RPS6KC1: variants seen among roughly 807,000 people sequenced by gnomAD.
RPS6KC1 encodes ribosomal protein S6 kinase C1.
Under a neutral mutation model 103.8 loss-of-function variants are expected in RPS6KC1, and 54 were observed. The observed-to-expected ratio is 0.52, with a 90% confidence interval of 0.42 to 0.65. The LOEUF (loss-of-function observed/expected upper bound fraction) is 0.65, where lower values mean the gene tolerates loss of function less well. RPS6KC1 is among the 30% of genes least tolerant of loss of function. RPS6KC1 has a pLI of 0.00. For synonymous variants in RPS6KC1, 439 were observed against 438.7 expected, an observed-to-expected ratio of 1.00 and a Z score of -0.01; for missense variants, 1,151 against 1,253.8, an observed-to-expected ratio of 0.92 and a Z score of 1.24.
chr1:213,111,668 C>A (rs1015485642), intron 4 of RPS6KC1, among the ~76,000 whole-genome samples: 11 of 152,020 alleles, frequency 7.2e-5, no homozygotes, highest in African/African-American at 2.7e-4. Flanking sequence ...TTTTATTTTG[C>A]ATGAAATATG....
the RPS6KC1 span, among the ~76,000 whole-genome samples, chr1:213,468,257 T>C: frequency 6.6e-6 from 1 of 152,256 alleles, no homozygotes; most frequent in Non-Finnish European, 1.5e-5. Context: ...TATTTGGCTT[T>C]GGAATATACG....
the RPS6KC1 span, among the ~76,000 whole-genome samples, chr1:213,610,334 C>A: frequency 6.6e-6 from 1 of 152,152 alleles, no homozygotes; most frequent in Admixed American, 6.6e-5. Context: ...AACTGATAAA[C>A]GACAGATGAG....
the RPS6KC1 span, among the ~76,000 whole-genome samples, chr1:213,618,439 C>G: frequency 2.0e-5 from 3 of 152,192 alleles, no homozygotes; most frequent in African/African-American, 7.2e-5. Context: ...GACTTCATTA[C>G]TTACTGACCC....
intron 6 of RPS6KC1, among the ~76,000 whole-genome samples, chr1:213,152,098 A>G (rs1439616845): frequency 6.1e-5 from 7 of 114,590 alleles, no homozygotes; most frequent in Admixed American, 1.7e-4. Context: ...CTGGCTGGGC[A>G]GAGGGGCTCC....
At chr1:213,598,187 T>C in the RPS6KC1 span, among the ~76,000 whole-genome samples, 1 of 152,186 alleles carries the variant, frequency 6.6e-6, no homozygotes, top group African/African-American at 2.4e-5. Context: ...TTGCCATGAC[T>C]CCTCTTTTGT....
the RPS6KC1 span, among the ~76,000 whole-genome samples, chr1:213,743,826 T>G: frequency 1.3e-5 from 2 of 152,180 alleles, no homozygotes; most frequent in East Asian, 1.9e-4. Context: ...GGAATCAGAA[T>G]TTTTGGATTC....
At chr1:213,405,302 T>G in the RPS6KC1 span, among the ~76,000 whole-genome samples, 1 of 152,354 alleles carries the variant, frequency 6.6e-6, no homozygotes, top group East Asian at 1.9e-4. Flanking sequence ...CTGGCTCGAA[T>G]CCGCTGAACC....
At chr1:213,442,996 G>T in the RPS6KC1 span, among the ~76,000 whole-genome samples, 2 of 151,840 alleles carry the variant, frequency 1.3e-5, no homozygotes, top group African/African-American at 4.8e-5. Flanking sequence ...AGAGCATTGG[G>T]GTGTCTCTTT....
At chr1:213,114,044 C>T (rs2083312471) in intron 4 of RPS6KC1, among the ~76,000 whole-genome samples, 1 of 151,890 alleles carries the variant, frequency 6.6e-6, no homozygotes, top group Admixed American at 6.6e-5. Context: ...GCGATGTGGG[C>T]TCTTTTTTGG....
At chr1:213,152,925 G>A (rs931437899) in intron 6 of RPS6KC1, among the ~76,000 whole-genome samples, 11 of 152,340 alleles carry the variant, frequency 7.2e-5, no homozygotes, top group South Asian at 2.1e-4. Flanking sequence ...CCGAGATCAC[G>A]CTACTGCACT....
At chr1:213,484,119 G>T in the RPS6KC1 span, among the ~76,000 whole-genome samples, 1 of 147,944 alleles carries the variant, frequency 6.8e-6, no homozygotes, top group Admixed American at 6.7e-5. Flanking sequence ...CTCAGGGAGA[G>T]AATTAAGAAG....
At chr1:213,225,313 T>C (rs2093933539) in intron 8 of RPS6KC1, among the ~76,000 whole-genome samples, 1 of 152,210 alleles carries the variant, frequency 6.6e-6, no homozygotes, top group Non-Finnish European at 1.5e-5. Context: ...GAACGTTGTC[T>C]AGTTGCACAC....
At chr1:213,590,260 A>C in the RPS6KC1 span, among the ~76,000 whole-genome samples, 2 of 152,150 alleles carry the variant, frequency 1.3e-5, no homozygotes, top group Non-Finnish European at 2.9e-5. Flanking sequence ...CTTCCAAGGA[A>C]AGGTGACTAA....
the RPS6KC1 span, among the ~76,000 whole-genome samples, chr1:213,416,283 A>G: frequency 5.9e-5 from 9 of 152,226 alleles, no homozygotes; most frequent in Admixed American, 5.2e-4. Flanking sequence ...CAGACCTACA[A>G]ATTGAAGATC....
At chr1:213,818,528 T>C in the RPS6KC1 span, 1 of 152,232 alleles carries the variant, frequency 6.6e-6, no homozygotes, top group African/African-American at 2.4e-5. Context: ...TATTGCGGTA[T>C]TAGCTTTATT....
the RPS6KC1 span, among the ~76,000 whole-genome samples, chr1:213,797,510 T>C: frequency 0.018 from 2,708 of 152,294 alleles, 91 homozygotes; most frequent in African/African-American, 0.063. Flanking sequence ...GTGTACACTA[T>C]GAAATACTAC....
At chr1:213,558,871 C>G in the RPS6KC1 span, among the ~76,000 whole-genome samples, 113,103 of 152,154 alleles carry the variant, frequency 0.74, 42,784 homozygotes, top group Non-Finnish European at 0.81. Context: ...CTGTACATCA[C>G]TTTCCTTGTT....
chr1:213,094,442 G>C (rs897297135), intron 3 of RPS6KC1, among the ~76,000 whole-genome samples: 2 of 150,996 alleles, frequency 1.3e-5, no homozygotes, highest in Non-Finnish European at 2.9e-5. Context: ...ATCTAGAATA[G>C]TTCTTATTTT....
the RPS6KC1 span, among the ~76,000 whole-genome samples, chr1:213,666,649 T>C: frequency 6.6e-6 from 1 of 152,236 alleles, no homozygotes; most frequent in Non-Finnish European, 1.5e-5. Context: ...AAGGGCATTT[T>C]TCTAAGTGAA....
Sources: gnomAD v4.1 joint callset for allele counts (sites outside exome capture counted in the v4.1 genomes callset) on GRCh38, gnomAD v4.1.1 for gene constraint, MANE v1.5 for transcripts, NCBI Gene and HGNC (gene_info 2026-07-23, HGNC 2026-07-21) for gene names.